Variants in SNAP91 observed in about 807,000 individuals in gnomAD.
The protein encoded by SNAP91 is synaptosome associated protein 91, also known as clathrin coat assembly protein AP180.
SNAP91 carries 27 observed loss-of-function variants against 100.3 expected under a neutral mutation model. The observed-to-expected ratio is 0.27, with a 90% CI of 0.20 to 0.37. SNAP91 has a LOEUF of 0.37. SNAP91 is among the 10% of genes least tolerant of loss of function. The probability of loss-of-function intolerance (pLI) is 1.00; values close to 1 mark genes in which losing one functional copy is unlikely to be tolerated. For missense variants in SNAP91, 986 were observed against 1,123.7 expected, an observed-to-expected ratio of 0.88 and a Z score of 1.75; for synonymous variants, 404 against 398.6, an observed-to-expected ratio of 1.01 and a Z score of -0.16.
intron 2 of SNAP91, among the ~76,000 whole-genome samples, chr6:83,703,795 A>G (rs908512648): frequency 6.6e-6 from 1 of 152,196 alleles, no homozygotes; most frequent in Admixed American, 6.5e-5. Flanking sequence ...TACGGAAAAA[A>G]TAGGATTACT....
chr6:83,592,937 A>T lies in SNAP91; in HGVS notation c.1846+9T>A. ...ATCTCTGAAGTCCTGACCTTGGCAA[A>T]GCACTCACCAGATAAGAGGTCAGCA... On this transcript the variant is annotated intron_variant, in intron 20 of 29. Coordinates refer to ENST00000369694, the MANE Select transcript of SNAP91 (RefSeq NM_001242792.2). 6.4e-7 allele frequency: 1 copy of T among 1,572,038 alleles called. No individual in the cohort carries two copies. The highest frequency in any genetic ancestry group is 8.6e-7 in the Non-Finnish European group (1 of 1,157,292).
chr6:83,657,930 C>CT (rs536763578), intron 6 of SNAP91, among the ~76,000 whole-genome samples: 20,299 of 106,004 alleles, frequency 0.19, 2,224 homozygotes, highest in Non-Finnish European at 0.25. Context: ...CCACACCTTG[C>CT]TTTTTTTTTT....
chr6:83,613,301 A>G (rs1335438188), intron 11 of SNAP91, among the ~76,000 whole-genome samples: 2 of 152,202 alleles, frequency 1.3e-5, no homozygotes, highest in African/African-American at 4.8e-5. Context: ...TTATATCCCT[A>G]GCACTTTACA....
At chr6:83,701,100 AAC>A (rs1184321184) in intron 2 of SNAP91, among the ~76,000 whole-genome samples, 3 of 152,136 alleles carry the variant, frequency 2.0e-5, no homozygotes, top group African/African-American at 7.2e-5. Flanking sequence ...TGGTGAGTAA[AAC>A]ACTGTTTCAA....
chr6:83,621,956 A>G (rs1383066949), intron 9 of SNAP91, among the ~76,000 whole-genome samples: 2 of 152,088 alleles, frequency 1.3e-5, no homozygotes, highest in Admixed American at 6.5e-5. Context: ...AATTTTACTA[A>G]AAATGATTAG....
In SNAP91 at chr6:83,610,619, C is replaced by A. The variant is rs550881260; in HGVS notation, c.912+31G>T. The A allele has an allele frequency of 4.1e-5, 24 of 591,646 alleles. No homozygotes were observed. In the East Asian group the frequency reaches 5.5e-4, roughly 14 times the overall value. The allele number at this position is 591,646 out of a possible 1,614,324, so 36.6% of individuals were successfully genotyped here. On this transcript the variant is annotated intron_variant, in intron 12 of 29. Transcript: ENST00000369694. ...TGGTAAAATGGTAAAAAACAAAAAACAAAAACCCCCAAACAAAAAACCAAA... is the reference window on the plus strand; with the variant it reads ...TGGTAAAATGGTAAAAAACAAAAAAAAAAAACCCCCAAACAAAAAACCAAA...
chr6:83,705,986 A>G lies in SNAP91; in HGVS notation c.130+1812T>C, dbSNP rs139173617. 2.8e-3 allele frequency among the ~76,000 whole-genome samples: 421 copies of G among 152,332 alleles called. 2 individuals are homozygous for G. The highest frequency in any genetic ancestry group is 9.8e-3 in the African/African-American group (406 of 41,584). Reference sequence around the variant, plus strand: ...GTTCCTATTTCAGCTGCTTTCTTTTATAACATGGAATCTTCCCCCTATTTT... The same window carrying G: ...GTTCCTATTTCAGCTGCTTTCTTTTGTAACATGGAATCTTCCCCCTATTTT... On this transcript the variant is annotated intron_variant, in intron 2 of 29. Transcript: ENST00000369694.
Position 83,627,010 on chromosome 6 carries a change from T to C in SNAP91, c.766-3668A>G, listed in dbSNP as rs532539758. On this transcript the variant is annotated intron_variant, in intron 8 of 29. Transcript: ENST00000369694. The stretch of plus-strand genomic sequence containing the variant: ...GTGGGTTTGTCATAGACGGTTCTTA[T>C]TATTTTGAAGTACGTTCCTTCAATG... Among the ~76,000 whole-genome samples the C allele has an allele frequency of 9.9e-5, 15 of 152,222 alleles. No homozygotes were observed. In the South Asian group the frequency reaches 3.1e-3, roughly 31 times the overall value.
chr6:83,694,999 C>T (rs1348209589), intron 2 of SNAP91, among the ~76,000 whole-genome samples: 2 of 152,016 alleles, frequency 1.3e-5, no homozygotes, highest in Non-Finnish European at 2.9e-5. Context: ...GGGCCGGGTG[C>T]AATGGCTCAT....
chr6:83,638,992 A>G (rs1351624108), intron 8 of SNAP91, among the ~76,000 whole-genome samples: 1 of 152,220 alleles, frequency 6.6e-6, no homozygotes, highest in East Asian at 1.9e-4. Context: ...ACTTCAGATA[A>G]GAATATAAGG....
intron 24 of SNAP91, among the ~76,000 whole-genome samples, chr6:83,577,292 C>A (rs1000185015): frequency 6.6e-6 from 1 of 152,000 alleles, no homozygotes; most frequent in African/African-American, 2.4e-5. Context: ...CATTACAAAA[C>A]AGAATAAGGT....
chr6:83,570,853 T>C (rs1274695731), intron 26 of SNAP91, among the ~76,000 whole-genome samples: 1 of 152,152 alleles, frequency 6.6e-6, no homozygotes, highest in African/African-American at 2.4e-5. Flanking sequence ...ATGGAGAACC[T>C]CTGTTAGGGC....
chr6:83,675,827 AACACACACACAC>A (rs373927158), intron 2 of SNAP91, among the ~76,000 whole-genome samples: 2 of 138,196 alleles, frequency 1.4e-5, no homozygotes, highest in African/African-American at 2.7e-5. Flanking sequence ...CACTTGAAGG[AACACACACACAC>A]ACACACACAC....
chr6:83,566,923 C>G (rs1797446247), intron 26 of SNAP91, among the ~76,000 whole-genome samples: 1 of 152,162 alleles, frequency 6.6e-6, no homozygotes, highest in Admixed American at 6.5e-5. Flanking sequence ...TGCTGGAGCT[C>G]TCTGAACCTC....
chr6:83,707,726 CGCAG>C, intron 2 of SNAP91, 68 bp downstream of exon 2: 1 of 1,582,288 alleles, frequency 6.3e-7, no homozygotes, highest in Non-Finnish European at 8.6e-7. Flanking sequence ...GGACCAAGAG[CGCAG>C]GCCGCACCAC....
chr6:83,614,624 T>C (rs1421203472), intron 11 of SNAP91, among the ~76,000 whole-genome samples: 5 of 152,086 alleles, frequency 3.3e-5, no homozygotes, highest in African/African-American at 1.2e-4. Flanking sequence ...TAAATACATA[T>C]ATACATCTAA....
intron 28 of SNAP91, among the ~76,000 whole-genome samples, chr6:83,558,386 C>T (rs1054371124): frequency 7.2e-5 from 11 of 152,216 alleles, no homozygotes; most frequent in African/African-American, 2.4e-4. Flanking sequence ...TCCTGACTGT[C>T]CCCAAAAACA....
intron 26 of SNAP91, among the ~76,000 whole-genome samples, chr6:83,562,751 C>G (rs150031994): frequency 1.6e-3 from 237 of 152,298 alleles, no homozygotes; most frequent in African/African-American, 5.2e-3. Context: ...TGTAAACCTA[C>G]CAATTAAATT....
At chr6:83,581,921 T>C (rs1245752267) in intron 23 of SNAP91, among the ~76,000 whole-genome samples, 2 of 152,232 alleles carry the variant, frequency 1.3e-5, no homozygotes, top group Admixed American at 1.3e-4. Flanking sequence ...TGTTTTTCTT[T>C]AACCATCTCT....
Sources: allele counts gnomAD v4.1 joint callset (sites outside exome capture counted in the v4.1 genomes callset), GRCh38; gene constraint gnomAD v4.1.1; transcripts MANE v1.5; gene names NCBI Gene and HGNC (gene_info 2026-07-23, HGNC 2026-07-21).